The following ACSM3 variants were observed in gnomAD, a reference collection of about 807,000 sequenced individuals.
ACSM3 encodes the protein acyl-coenzyme A synthetase ACSM3, mitochondrial.
A neutral mutation model predicts 74.1 loss-of-function variants in ACSM3; 61 were observed. That is an observed-to-expected ratio of 0.82 (90% confidence interval 0.67 to 1.02). ACSM3 has a LOEUF of 1.02. Among genes scored for constraint, ACSM3 ranks in the 50% least tolerant of loss-of-function variants. The probability of loss-of-function intolerance (pLI) is 0.00; values close to 1 mark genes in which losing one functional copy is unlikely to be tolerated. For synonymous variants in ACSM3, 213 were observed against 241.5 expected (o/e 0.88, Z 1.09); for missense variants, 660 against 697.0 (o/e 0.95, Z 0.60).
chr16:20,715,641 G>A (rs1347364885), intron 1 of ACSM3, among the ~76,000 whole-genome samples: 2 of 151,914 alleles, frequency 1.3e-5, no homozygotes, highest in African/African-American at 2.4e-5. Flanking sequence ...AATCCTCACT[G>A]TTTTTACAGT....
At chr16:20,676,547 G>A (rs754887444) in intron 1 of ACSM3, among the ~76,000 whole-genome samples, 10 of 152,170 alleles carry the variant, frequency 6.6e-5, no homozygotes, top group East Asian at 3.8e-4. Context: ...CTCCGTAGGT[G>A]TGAATGCAAC....
intron 1 of ACSM3, among the ~76,000 whole-genome samples, chr16:20,726,803 T>G (rs1489228879): frequency 2.0e-5 from 3 of 152,202 alleles, no homozygotes; most frequent in African/African-American, 4.8e-5. Context: ...GAATTTAATG[T>G]AAGTGACTTG....
chr16:20,684,422 G>A lies in ACSM3; in HGVS notation c.-190+9600G>A, dbSNP rs185837764. Among the ~76,000 whole-genome samples, 7 of 152,314 alleles carry A rather than the reference G, an allele frequency of 4.6e-5. No homozygotes were observed. The East Asian group carries it at 1.3e-3, about 29-fold the overall frequency. ...ACCACCTTGCTTAAGTGATAAAACA[G>A]TATAACTGAAGAGGGAACAAACTGA... On this transcript the variant is annotated intron_variant, in intron 1 of 3. Transcript: ENST00000561584.
chr16:20,683,821 G>A (rs2079498284), intron 1 of ACSM3, among the ~76,000 whole-genome samples: 1 of 151,828 alleles, frequency 6.6e-6, no homozygotes. Context: ...ACCCACCTCA[G>A]CCTCCCAAAG....
At chr16:20,690,506 C>T (rs2079633660) in intron 1 of ACSM3, among the ~76,000 whole-genome samples, 1 of 152,186 alleles carries the variant, frequency 6.6e-6, no homozygotes, top group South Asian at 2.1e-4. Context: ...ACTTGCCATC[C>T]TCATGGGAAG....
chr16:20,707,461 A>G (rs1414676719), intron 1 of ACSM3, among the ~76,000 whole-genome samples: 1 of 152,168 alleles, frequency 6.6e-6, no homozygotes, highest in African/African-American at 2.4e-5. Context: ...ATACCCATTC[A>G]CAAACCGGAC....
At chr16:20,702,258 G>A (rs2079714726) in intron 1 of ACSM3, among the ~76,000 whole-genome samples, 1 of 152,108 alleles carries the variant, frequency 6.6e-6, no homozygotes, top group Admixed American at 6.5e-5. Flanking sequence ...TGTTGCCCAG[G>A]CTGGAGTGCA....
Position 20,781,722 on chromosome 16 carries a change from C to T in ACSM3, c.954C>T (p.Tyr318=), listed in dbSNP as rs750243791. 1 of 1,612,710 alleles carries T rather than the reference C, an allele frequency of 6.2e-7. No individual in the cohort carries two copies. The highest frequency in any genetic ancestry group is 1.1e-5 in the South Asian group (1 of 91,044). ...PTSILQTLSK[Y]PITVFCSAPT... ...CTAAATTGCAGACACTCTCCAAGTA[C>T]CCCATCACAGTCTTCTGTTCAGCAC... Residue 318 remains tyrosine, a synonymous_variant, in exon 7 of 14, where the codon TAC becomes TAT. Transcript: ENST00000289416.
chr16:20,686,296 A>C (rs764114791), intron 1 of ACSM3, among the ~76,000 whole-genome samples: 7 of 152,174 alleles, frequency 4.6e-5, no homozygotes, highest in Non-Finnish European at 8.8e-5. Flanking sequence ...TGCCTCATAG[A>C]AACAGCAAGA....
intron 1 of ACSM3, among the ~76,000 whole-genome samples, chr16:20,707,658 C>A (rs1335360784): frequency 6.6e-6 from 1 of 152,142 alleles, no homozygotes; most frequent in African/African-American, 2.4e-5. Context: ...TTACCTGGCT[C>A]CAAAAGCATT....
intron 1 of ACSM3, chr16:20,737,705 T>A: frequency 1.2e-6 from 2 of 1,602,832 alleles, no homozygotes; most frequent in Non-Finnish European, 1.7e-6. Context: ...AAGAGAAACA[T>A]ACCTGCCAAT....
intron 2 of ACSM3, among the ~76,000 whole-genome samples, chr16:20,752,246 T>G (rs2079994640): frequency 1.3e-5 from 2 of 152,078 alleles, no homozygotes; most frequent in Non-Finnish European, 2.9e-5. Flanking sequence ...AGCTCACACC[T>G]GTAATCTCAG....
chr16:20,696,923 A>C (rs1383814920), intron 1 of ACSM3, among the ~76,000 whole-genome samples: 1 of 152,154 alleles, frequency 6.6e-6, no homozygotes, highest in Non-Finnish European at 1.5e-5. Context: ...CATGTCTCTG[A>C]ACTTAAGCGC....
At chr16:20,722,939 G>C (rs1174051407) in intron 1 of ACSM3, among the ~76,000 whole-genome samples, 1 of 152,042 alleles carries the variant, frequency 6.6e-6, no homozygotes, top group African/African-American at 2.4e-5. Context: ...TGTGCACAAC[G>C]TGCAGGTTTG....
At chr16:20,718,682 A>G (rs1192979419) in intron 1 of ACSM3, among the ~76,000 whole-genome samples, 1 of 152,218 alleles carries the variant, frequency 6.6e-6, no homozygotes, top group Non-Finnish European at 1.5e-5. Context: ...TGATCAAGCA[A>G]GAACTTAAGA....
chr16:20,773,291 A>G (rs2080216001), intron 2 of ACSM3, among the ~76,000 whole-genome samples: 1 of 151,550 alleles, frequency 6.6e-6, no homozygotes, highest in Non-Finnish European at 1.5e-5. Flanking sequence ...AGATTTGTCT[A>G]TTTTGTTTTT....
At position 20,770,198 on chromosome 16, in the gene ACSM3, C is replaced by T; in HGVS notation, c.164C>T (p.Pro55Leu). Residue 55 changes from proline (P) to leucine (L), a missense_variant, in exon 2 of 14, where the codon CCA becomes CTA. Pro to Leu is a moderately conservative substitution (Grantham distance 98). Transcript: ENST00000289416. ...AAACAGGACTTCAAACTGGGGATTCCAGAGTATTTCAACTTTGCTAAAGAT... is the reference window on the plus strand; with the variant it reads ...AAACAGGACTTCAAACTGGGGATTCTAGAGTATTTCAACTTTGCTAAAGAT... ...SMKQDFKLGI[P>L]EYFNFAKDVL... The T allele has an allele frequency of 1.2e-6, 2 of 1,614,118 alleles. No individual in the cohort carries two copies. The highest frequency in any genetic ancestry group is 1.3e-5 in the African/African-American group (1 of 75,026).
chr16:20,677,170 GGAAA>G (rs753457202), intron 1 of ACSM3, among the ~76,000 whole-genome samples: 6 of 150,380 alleles, frequency 4.0e-5, no homozygotes, highest in Admixed American at 4.0e-4. Flanking sequence ...ACAAAGAGAA[GGAAA>G]GAAAGAGCCC....
chr16:20,680,213 T>A (rs2079410780), intron 1 of ACSM3: 1 of 152,208 alleles, frequency 6.6e-6, no homozygotes, highest in South Asian at 2.1e-4. Context: ...AGAGATACCT[T>A]TCTGGTCTAC....
Sources: gnomAD v4.1 joint callset for allele counts (sites outside exome capture counted in the v4.1 genomes callset) on GRCh38, gnomAD v4.1.1 for gene constraint, MANE v1.5 for transcripts, NCBI Gene and HGNC (gene_info 2026-07-23, HGNC 2026-07-21) for gene names.